The following MREG variants were observed in gnomAD, a reference collection of about 807,000 sequenced individuals.
MREG encodes dilute suppressor protein homolog.
A neutral mutation model predicts 28.5 loss-of-function variants in MREG; 31 were observed. The observed-to-expected ratio is 1.09, with a 90% CI of 0.82 to 1.47. The LOEUF is 1.47. MREG is among the 40% of genes most tolerant of loss of function. The probability of loss-of-function intolerance (pLI) is 0.00; values close to 1 mark genes in which losing one functional copy is unlikely to be tolerated. For missense variants in MREG, 256 were observed against 257.4 expected (o/e 0.99, Z 0.04); for synonymous variants, 106 against 95.2 (o/e 1.11, Z -0.66).
chr2:216,010,352 C>CTATTTTTTTT (rs1332869944), intron 1 of MREG, among the ~76,000 whole-genome samples: 25 of 75,642 alleles, frequency 3.3e-4, no homozygotes, highest in African/African-American at 1.2e-3. Context: ...GAAAAGATTT[C>CTATTTTTTTT]TCTTTTTTTT....
chr2:215,958,307 G>T (rs1048334128), intron 2 of MREG, among the ~76,000 whole-genome samples: 2 of 150,752 alleles, frequency 1.3e-5, no homozygotes, highest in African/African-American at 4.9e-5. Context: ...TAAAATAAAA[G>T]AACTCCTGAT....
At chr2:215,953,153 C>G (rs1692531787) in intron 2 of MREG, among the ~76,000 whole-genome samples, 1 of 152,230 alleles carries the variant, frequency 6.6e-6, no homozygotes, top group South Asian at 2.1e-4. Context: ...ACCGGGGCAG[C>G]TAATATGTTT....
rs1377303752 is a variant in MREG at position 215,943,032 on chromosome 2, T to C, written c.*1831A>G. 2 of 156,176 alleles carry C rather than the reference T, an allele frequency of 1.3e-5. No individual in the cohort carries two copies. Among genetic ancestry groups the C allele is most frequent in the Non-Finnish European group, 2.8e-5 (2 of 70,180 alleles). The allele number at this position is 156,176 out of a possible 1,614,324, so 9.7% of individuals were successfully genotyped here. On this transcript the variant is annotated 3_prime_UTR_variant, in exon 5 of 5. Coordinates refer to ENST00000263268, the MANE Select transcript of MREG (RefSeq NM_018000.3). Reference sequence around the variant, plus strand: ...TGCATTAATAAATGGAGAACACGGATCTCGCCTATGAAATATTTTAAACAT... The same window carrying C: ...TGCATTAATAAATGGAGAACACGGACCTCGCCTATGAAATATTTTAAACAT...
intron 2 of MREG, among the ~76,000 whole-genome samples, chr2:215,988,381 C>T (rs993383347): frequency 2.6e-5 from 4 of 152,208 alleles, no homozygotes; most frequent in African/African-American, 9.6e-5. Context: ...ATGCTTTTAA[C>T]ATGGACTATG....
chr2:216,009,884 GA>G (rs1256794831), intron 1 of MREG, among the ~76,000 whole-genome samples: 1 of 152,150 alleles, frequency 6.6e-6, no homozygotes, highest in Admixed American at 6.5e-5. Context: ...ACTGATGGAA[GA>G]AAGCCATGCT....
Position 215,991,559 on chromosome 2 carries a change from G to C in MREG, c.255+4747C>G, listed in dbSNP as rs150772120. On this transcript the variant is annotated intron_variant, in intron 2 of 4. Coordinates refer to ENST00000263268, the MANE Select transcript of MREG (RefSeq NM_018000.3). ...CTAAGATCAGAGCAGAATTGAAGGA[G>C]GTAGAGACACGAAAAACCGTTCAAA... Among the ~76,000 whole-genome samples the C allele has an allele frequency of 7.4e-4, 112 of 151,748 alleles. No homozygotes were observed. The East Asian group carries it at 0.018, about 24-fold the overall frequency.
intron 2 of MREG, among the ~76,000 whole-genome samples, chr2:215,969,822 T>C (rs1410580615): frequency 6.6e-6 from 1 of 152,032 alleles, no homozygotes; most frequent in Non-Finnish European, 1.5e-5. Context: ...TGGGGGGCAG[T>C]TAAAGCTAGG....
At position 215,944,878 on chromosome 2, in the gene MREG, C is replaced by T. The variant is rs778987309; in HGVS notation, c.630G>A (p.Pro210=). The T allele has an allele frequency of 2.2e-5, 35 of 1,594,540 alleles. No individual in the cohort carries two copies. Among genetic ancestry groups the T allele is most frequent in the South Asian group, 1.2e-4 (11 of 89,850 alleles). The part of the protein sequence containing the change: ...ADGQKELHYL[P]FPSP ...AGCCTCTCCTTTAGGGACTTGGAAACGGAAGGTAGTGCAGTTCTTTCTGGC... is the reference window on the plus strand; with the variant it reads ...AGCCTCTCCTTTAGGGACTTGGAAATGGAAGGTAGTGCAGTTCTTTCTGGC... Residue 210 remains proline (P), a synonymous_variant, in exon 5 of 5, where the codon CCG becomes CCA. Transcript: ENST00000263268.
At chr2:216,004,014 A>C (rs1460248743) in intron 1 of MREG, among the ~76,000 whole-genome samples, 1 of 152,176 alleles carries the variant, frequency 6.6e-6, no homozygotes, top group African/African-American at 2.4e-5. Context: ...CCTAGAGGAT[A>C]AGCCAAAGTC....
At chr2:215,981,031 G>C (rs374947701) in intron 2 of MREG, among the ~76,000 whole-genome samples, 2 of 152,224 alleles carry the variant, frequency 1.3e-5, no homozygotes, top group South Asian at 4.2e-4. Context: ...AAATGGTACA[G>C]ATACTGTGGG....
intron 2 of MREG, among the ~76,000 whole-genome samples, chr2:215,963,340 G>A (rs1235573285): frequency 6.6e-6 from 1 of 151,640 alleles, no homozygotes; most frequent in African/African-American, 2.4e-5. Flanking sequence ...TGAGGTGTGA[G>A]GATGGCTTGA....
intron 2 of MREG, among the ~76,000 whole-genome samples, chr2:215,986,350 G>T (rs1336658875): frequency 6.6e-6 from 1 of 152,128 alleles, no homozygotes. Context: ...TCTCAACATG[G>T]CAAGCAGCTA....
At chr2:216,003,143 C>CG (rs1331860871) in intron 1 of MREG, among the ~76,000 whole-genome samples, 1 of 151,732 alleles carries the variant, frequency 6.6e-6, no homozygotes, top group African/African-American at 2.4e-5. Flanking sequence ...GCTGGGGTGT[C>CG]GGGGGGCGAT....
intron 1 of MREG, among the ~76,000 whole-genome samples, chr2:216,006,993 G>C (rs906165243): frequency 6.6e-6 from 1 of 152,146 alleles, no homozygotes; most frequent in Admixed American, 6.5e-5. Flanking sequence ...TAAGCAGCTA[G>C]TTCCATACCT....
upstream of MREG, chr2:216,033,758 A>T (rs565938819): frequency 2.0e-5 from 3 of 152,280 alleles, no homozygotes; most frequent in African/African-American, 4.8e-5. Flanking sequence ...AAATCTTAAG[A>T]CTCTGACTCC....
At chr2:216,003,469 C>T (rs1694072414) in intron 1 of MREG, among the ~76,000 whole-genome samples, 1 of 152,170 alleles carries the variant, frequency 6.6e-6, no homozygotes, top group Non-Finnish European at 1.5e-5. Context: ...AAGACCCAGT[C>T]CTTGGTGTCT....
At chr2:215,946,244 A>C (rs1167656040) in intron 3 of MREG, among the ~76,000 whole-genome samples, 1 of 151,964 alleles carries the variant, frequency 6.6e-6, no homozygotes, top group African/African-American at 2.4e-5. Context: ...GTTTAAAAAA[A>C]AAAAAAGGCT....
intron 2 of MREG, among the ~76,000 whole-genome samples, chr2:215,991,775 C>T (rs572783117): frequency 2.0e-5 from 3 of 152,272 alleles, no homozygotes; most frequent in African/African-American, 7.2e-5. Flanking sequence ...CACCTCTATG[C>T]AAATAAACTA....
intron 2 of MREG, among the ~76,000 whole-genome samples, chr2:215,973,423 C>G (rs1423185410): frequency 2.6e-5 from 4 of 152,174 alleles, no homozygotes; most frequent in Non-Finnish European, 5.9e-5. Context: ...ACTGCCGAGG[C>G]CGGATTCAAA....
Sources: allele counts gnomAD v4.1 joint callset (sites outside exome capture counted in the v4.1 genomes callset), GRCh38; gene constraint gnomAD v4.1.1; transcripts MANE v1.5; gene names NCBI Gene and HGNC (gene_info 2026-07-23, HGNC 2026-07-21).